RFFL: variants seen among roughly 807,000 people sequenced by gnomAD.
The protein encoded by RFFL is ring finger and FYVE like domain containing E3 ubiquitin protein ligase.
RFFL carries 16 observed loss-of-function variants against 40.4 expected under a neutral mutation model. The observed-to-expected ratio is 0.40, with a 90% CI of 0.27 to 0.60. RFFL has a LOEUF of 0.60. Among genes scored for constraint, RFFL ranks in the 20% least tolerant of loss-of-function variants. The pLI is 0.47. For synonymous variants in RFFL, 154 were observed against 167.9 expected, an observed-to-expected ratio of 0.92 and a Z score of 0.64; for missense variants, 367 against 451.7, an observed-to-expected ratio of 0.81 and a Z score of 1.70.
rs2090903980 is a variant in RFFL at position 35,007,600 on chromosome 17, C to T, written c.*4368G>A. 1.3e-5 allele frequency: 2 copies of T among 152,288 alleles called. No individual in the cohort carries two copies. The highest frequency in any genetic ancestry group is 6.5e-5 in the Admixed American group (1 of 15,292). The allele number at this position is 152,288 out of a possible 1,614,324, so 9.4% of individuals were successfully genotyped here. A position where few individuals can be genotyped will look rare whatever the true frequency, so the allele number is the denominator to read the frequency against. On this transcript the variant is annotated 3_prime_UTR_variant, in exon 7 of 7. Coordinates refer to ENST00000394597, the MANE Select transcript of RFFL (RefSeq NM_001017368.2). ...CAAGATTCCTTTCTCTTCTCAGTCA[C>T]AGCAGATGGACACATAATCTTGTTC...
chr17:35,042,773 T>C (rs945180687), intron 1 of RFFL, among the ~76,000 whole-genome samples: 2 of 135,558 alleles, frequency 1.5e-5, no homozygotes, highest in African/African-American at 5.7e-5. Flanking sequence ...TGCAGTGAGC[T>C]GAGATCACAT....
At chr17:35,065,987 T>G (rs566396980), upstream of RFFL, among the ~76,000 whole-genome samples, 1 of 152,242 alleles carries the variant, frequency 6.6e-6, no homozygotes, top group South Asian at 2.1e-4. Flanking sequence ...TAGCCAGGCA[T>G]GGTGGCATAC....
chr17:35,087,626 T>A (rs2091437578), intron 1 of RFFL, among the ~76,000 whole-genome samples: 2 of 152,134 alleles, frequency 1.3e-5, no homozygotes, highest in Non-Finnish European at 2.9e-5. Flanking sequence ...TTAAAATGAG[T>A]GCGTCCTAGA....
chr17:35,028,524 A>G (rs956325593), intron 1 of RFFL, among the ~76,000 whole-genome samples: 1 of 152,066 alleles, frequency 6.6e-6, no homozygotes, highest in Non-Finnish European at 1.5e-5. Context: ...TTGATGTGAG[A>G]TATGAGTATG....
intron 1 of RFFL, among the ~76,000 whole-genome samples, chr17:35,080,374 G>A (rs1468823121): frequency 6.6e-6 from 1 of 152,156 alleles, no homozygotes; most frequent in African/African-American, 2.4e-5. Flanking sequence ...AGGATTAGCA[G>A]AAAATGCAGA....
At chr17:35,039,562 T>G (rs1319711695) in intron 1 of RFFL, among the ~76,000 whole-genome samples, 11 of 152,016 alleles carry the variant, frequency 7.2e-5, no homozygotes, top group Non-Finnish European at 1.5e-4. Context: ...TTGTAATTTG[T>G]AAAAAATAAC....
intron 1 of RFFL, among the ~76,000 whole-genome samples, chr17:35,047,977 C>G (rs535818503): frequency 6.6e-6 from 1 of 151,978 alleles, no homozygotes; most frequent in South Asian, 2.1e-4. Flanking sequence ...GTCTCGAACT[C>G]CTGACCTCAA....
chr17:35,055,030 G>A (rs780074976), intron 1 of RFFL, among the ~76,000 whole-genome samples: 26 of 151,642 alleles, frequency 1.7e-4, no homozygotes, highest in Non-Finnish European at 3.1e-4. Context: ...CCATTCTCCT[G>A]CCTCAGCCTC....
At chr17:35,017,783 G>A (rs1220315169) in intron 3 of RFFL, among the ~76,000 whole-genome samples, 177 bp from the exon 4 acceptor site, 1 of 152,188 alleles carries the variant, frequency 6.6e-6, no homozygotes, top group African/African-American at 2.4e-5. Flanking sequence ...GTCAAGCAGA[G>A]AAACAACAAA....
intron 1 of RFFL, among the ~76,000 whole-genome samples, chr17:35,082,997 C>A (rs1041391413): frequency 2.0e-5 from 3 of 152,184 alleles, no homozygotes; most frequent in Non-Finnish European, 4.4e-5. Flanking sequence ...AGCAATTATT[C>A]TTCCTCCCAT....
At chr17:35,075,610 C>G (rs2091371785) in intron 1 of RFFL, among the ~76,000 whole-genome samples, 1 of 152,202 alleles carries the variant, frequency 6.6e-6, no homozygotes, top group Non-Finnish European at 1.5e-5. Flanking sequence ...TATTGTTTAA[C>G]TACCAAAATA....
chr17:35,032,607 T>A (rs2091093176), intron 1 of RFFL, among the ~76,000 whole-genome samples: 1 of 151,998 alleles, frequency 6.6e-6, no homozygotes, highest in Non-Finnish European at 1.5e-5. Context: ...TTTGTACTCA[T>A]GGGACATGCT....
Position 35,006,246 on chromosome 17 carries a change from G to A in RFFL, c.*5722C>T, listed in dbSNP as rs924896331. The A allele has an allele frequency of 3.2e-5, 5 of 154,834 alleles. No homozygotes were observed. The highest frequency in any genetic ancestry group is 7.2e-5 in the Non-Finnish European group (5 of 69,800). 9.6% of individuals were successfully genotyped at this position (154,834 alleles called of 1,614,324 possible). A position where few individuals can be genotyped will look rare whatever the true frequency, so the allele number is the denominator to read the frequency against. On this transcript the variant is annotated 3_prime_UTR_variant, in exon 7 of 7. Transcript: ENST00000394597. ...GCAGTATCCAACCAAACTAGCCACAGACAGCTGCTGAGCAATTGAAATGAA... is the reference window on the plus strand; with the variant it reads ...GCAGTATCCAACCAAACTAGCCACAAACAGCTGCTGAGCAATTGAAATGAA...
intron 1 of RFFL, among the ~76,000 whole-genome samples, chr17:35,072,431 C>G (rs12150331): frequency 0.011 from 1,624 of 152,074 alleles, 16 homozygotes; most frequent in Non-Finnish European, 0.018. Context: ...AGACACCGAA[C>G]AGATTACTGG....
At chr17:35,038,892 T>C (rs1373980964) in intron 1 of RFFL, among the ~76,000 whole-genome samples, 1 of 152,198 alleles carries the variant, frequency 6.6e-6, no homozygotes, top group Non-Finnish European at 1.5e-5. Flanking sequence ...TACATTTGAA[T>C]TAAAAGTTTA....
In RFFL at chr17:35,060,369, T is replaced by TTAA. The variant is rs527279789; in HGVS notation, c.-9+3206_-9+3207insTTA. Among the ~76,000 whole-genome samples the TTAA allele has an allele frequency of 3.7e-3, 562 of 152,300 alleles. 2 individuals are homozygous for TTAA. Among genetic ancestry groups the TTAA allele is most frequent in the African/African-American group, 0.012 (511 of 41,558 alleles). Reference sequence around the variant, plus strand: ...CTTGCCTATCGAGCAAAGGCACCATTTCTGTGGAACCTGATAGAGTATATT... The same window carrying TTAA: ...CTTGCCTATCGAGCAAAGGCACCATTTAATCTGTGGAACCTGATAGAGTATATT... On this transcript the variant is annotated intron_variant, in intron 1 of 6. Transcript: ENST00000394597.
intron 1 of RFFL, among the ~76,000 whole-genome samples, chr17:35,055,091 T>C (rs9899515): frequency 0.01 from 1,531 of 152,118 alleles, 24 homozygotes; most frequent in African/African-American, 0.035. Flanking sequence ...CCAATTTTTT[T>C]GTATTTTTAG....
In RFFL at chr17:35,050,606, G is replaced by A. The variant is rs946177285; in HGVS notation, c.-9+12970C>T. Among the ~76,000 whole-genome samples the A allele has an allele frequency of 3.3e-5, 5 of 149,702 alleles. No homozygotes were observed. The South Asian group carries it at 6.3e-4, about 19-fold the overall frequency. ...ACTCCTGGGCTCAAGCGATCCTCCC[G>A]CCTCAGCTTCCCAAACTGTTGGGAT... is the stretch of plus-strand genomic sequence containing the variant. On this transcript the variant is annotated intron_variant, in intron 1 of 6. Transcript: ENST00000394597.
intron 3 of RFFL, among the ~76,000 whole-genome samples, chr17:35,019,280 G>A (rs984091144): frequency 1.3e-5 from 2 of 152,184 alleles, no homozygotes; most frequent in Non-Finnish European, 2.9e-5. Context: ...CTTAGATCTT[G>A]TATGTAGGGT....
Sources: gnomAD v4.1 joint callset for allele counts (sites outside exome capture counted in the v4.1 genomes callset) on GRCh38, gnomAD v4.1.1 for gene constraint, MANE v1.5 for transcripts, NCBI Gene and HGNC (gene_info 2026-07-23, HGNC 2026-07-21) for gene names.